Variants in MME observed in about 807,000 individuals in gnomAD.
MME encodes membrane metalloendopeptidase, also known as neprilysin.
A neutral mutation model predicts 113.2 loss-of-function variants in MME; 98 were observed. That is an observed-to-expected ratio of 0.87 (90% confidence interval 0.74 to 1.02). The LOEUF (loss-of-function observed/expected upper bound fraction) is 1.02, where lower values mean the gene tolerates loss of function less well. Among genes scored for constraint, MME ranks in the 50% least tolerant of loss-of-function variants. The probability of loss-of-function intolerance (pLI) is 0.00; values close to 1 mark genes in which losing one functional copy is unlikely to be tolerated. For synonymous variants in MME, 292 were observed against 300.6 expected, an observed-to-expected ratio of 0.97 and a Z score of 0.30; for missense variants, 836 against 896.0, an observed-to-expected ratio of 0.93 and a Z score of 0.86.
chr3:155,044,314 G>A (rs1713469400), intron 1 of MME, among the ~76,000 whole-genome samples: 2 of 151,014 alleles, frequency 1.3e-5, no homozygotes, highest in Non-Finnish European at 3.0e-5. Flanking sequence ...TGTATTATTA[G>A]TACAGATGGG....
At chr3:155,031,793 G>A (rs1458633494) in intron 1 of MME, among the ~76,000 whole-genome samples, 1 of 152,140 alleles carries the variant, frequency 6.6e-6, no homozygotes, top group Non-Finnish European at 1.5e-5. Context: ...AAGTAGCTGG[G>A]ATTACAGGTG....
At chr3:155,140,077 C>T in intron 9 of MME, 114 bp from the exon 10 acceptor site, 1 of 624,058 alleles carries the variant, frequency 1.6e-6, no homozygotes, top group Non-Finnish European at 2.7e-6. Context: ...AAAACAAGTA[C>T]AGAATAGGAC....
upstream of MME, among the ~76,000 whole-genome samples, chr3:155,078,974 A>T (rs1220901801): frequency 2.0e-5 from 3 of 152,114 alleles, no homozygotes; most frequent in East Asian, 5.8e-4. Context: ...CAGTAGGTAG[A>T]GCAGACACAC....
chr3:155,154,820 G>A (rs1010089389), intron 16 of MME, among the ~76,000 whole-genome samples: 3 of 152,162 alleles, frequency 2.0e-5, no homozygotes, highest in African/African-American at 4.8e-5. Context: ...GGGTGGGCAG[G>A]CGGAGCACCG....
At chr3:155,107,450 AT>A (rs1472486942) in intron 3 of MME, among the ~76,000 whole-genome samples, 1 of 152,110 alleles carries the variant, frequency 6.6e-6, no homozygotes, top group Non-Finnish European at 1.5e-5. Flanking sequence ...TGCCTAACCT[AT>A]TTAAAACGTG....
chr3:155,056,755 T>C (rs1713943417), intron 1 of MME, among the ~76,000 whole-genome samples: 1 of 152,142 alleles, frequency 6.6e-6, no homozygotes, highest in Non-Finnish European at 1.5e-5. Context: ...ATCGCCACAC[T>C]GTCTTCCACA....
In MME at chr3:155,181,637, G is replaced by A. The variant is rs1230048759; in HGVS notation, c.*1178G>A. 2 of 152,104 alleles carry A rather than the reference G, an allele frequency of 1.3e-5. No individual in the cohort carries two copies. Among genetic ancestry groups the A allele is most frequent in the Non-Finnish European group, 2.9e-5 (2 of 68,024 alleles). 9.4% of individuals were successfully genotyped at this position (152,104 alleles called of 1,614,324 possible). ...TGTCTAACTTTAGAAGTGCATTTCT[G>A]AATAGAAATGGGAGGCCTCTGATGG... On this transcript the variant is annotated 3_prime_UTR_variant, in exon 23 of 23. Coordinates refer to ENST00000360490, the MANE Select transcript of MME (RefSeq NM_007289.4).
At chr3:155,133,062 A>AAAAATATATATATATATATATATATAT (rs1553762419) in intron 8 of MME, among the ~76,000 whole-genome samples, 13 of 75,018 alleles carry the variant, frequency 1.7e-4, no homozygotes, top group Non-Finnish European at 3.1e-4. Context: ...AAAAAAAAAA[A>AAAAATATATATATATATATATATATAT]ATATATATAT....
chr3:155,057,374 A>C (rs1713969114), intron 1 of MME, among the ~76,000 whole-genome samples: 1 of 152,168 alleles, frequency 6.6e-6, no homozygotes, highest in Non-Finnish European at 1.5e-5. Context: ...CATCAGAGAA[A>C]TGCAAATCAA....
At chr3:155,137,817 A>T (rs1720750569) in intron 8 of MME, among the ~76,000 whole-genome samples, 1 of 152,218 alleles carries the variant, frequency 6.6e-6, no homozygotes, top group African/African-American at 2.4e-5. Context: ...AAGGCAAAAT[A>T]ACTTTATTGA....
chr3:155,146,500 T>C (rs191630691), intron 14 of MME, among the ~76,000 whole-genome samples: 1 of 151,586 alleles, frequency 6.6e-6, no homozygotes, highest in East Asian at 1.9e-4. Context: ...CACTTCAGCC[T>C]GGGCAACAGA....
chr3:155,106,023 G>A (rs1717654981), intron 3 of MME, among the ~76,000 whole-genome samples: 1 of 152,070 alleles, frequency 6.6e-6, no homozygotes, highest in Non-Finnish European at 1.5e-5. Flanking sequence ...AAGACCTATG[G>A]ATTTAAGATA....
At chr3:155,163,116 T>G (rs541125279) in intron 17 of MME, among the ~76,000 whole-genome samples, 2 of 152,068 alleles carry the variant, frequency 1.3e-5, no homozygotes, top group East Asian at 3.9e-4. Context: ...CTTAATGGAT[T>G]TGGGATAATG....
chr3:155,135,221 A>G (rs576829740), intron 8 of MME, among the ~76,000 whole-genome samples: 1 of 152,176 alleles, frequency 6.6e-6, no homozygotes, highest in Non-Finnish European at 1.5e-5. Context: ...CAAGGCTGGC[A>G]TCCAGAAAGG....
At chr3:155,102,694 T>C (rs770795522) in intron 3 of MME, among the ~76,000 whole-genome samples, 21 of 152,304 alleles carry the variant, frequency 1.4e-4, no homozygotes, top group Middle Eastern at 3.4e-3. Flanking sequence ...TGAGGGCTTC[T>C]AGGGCAAGGC....
intron 3 of MME, among the ~76,000 whole-genome samples, chr3:155,086,436 T>C (rs1274198710): frequency 1.3e-5 from 2 of 152,134 alleles, no homozygotes; most frequent in Non-Finnish European, 2.9e-5. Flanking sequence ...GGAGTGATAG[T>C]GGAAGCCTTG....
intron 8 of MME, among the ~76,000 whole-genome samples, chr3:155,119,153 A>G (rs1718881120): frequency 6.6e-6 from 1 of 152,206 alleles, no homozygotes; most frequent in Non-Finnish European, 1.5e-5. Flanking sequence ...ATCATGGTCT[A>G]GGGTGGTGCT....
chr3:155,070,961 G>T (rs568301676), intron 1 of MME, among the ~76,000 whole-genome samples: 1 of 152,014 alleles, frequency 6.6e-6, no homozygotes, highest in Non-Finnish European at 1.5e-5. Flanking sequence ...CCCTGCTCTC[G>T]CCCCCAGAGT....
intron 7 of MME, among the ~76,000 whole-genome samples, chr3:155,118,331 G>A (rs141788502): frequency 1.0e-3 from 158 of 152,328 alleles, no homozygotes; most frequent in African/African-American, 3.2e-3. Context: ...TCCCAACTAA[G>A]GGTGGAAGCA....
Sources: gnomAD v4.1 joint callset for allele counts (sites outside exome capture counted in the v4.1 genomes callset) on GRCh38, gnomAD v4.1.1 for gene constraint, MANE v1.5 for transcripts, NCBI Gene and HGNC (gene_info 2026-07-23, HGNC 2026-07-21) for gene names.